The following TNXB variants were observed in gnomAD, a reference collection of about 807,000 sequenced individuals.
TNXB encodes tenascin-X.
TNXB carries 183 observed loss-of-function variants against 340.5 expected under a neutral mutation model. The observed-to-expected ratio is 0.54, with a 90% CI of 0.48 to 0.61. The LOEUF is 0.61. Among genes scored for constraint, TNXB ranks in the 20% least tolerant of loss-of-function variants. The pLI is 0.00. For missense variants in TNXB, 4,613 were observed against 5,446.4 expected (o/e 0.85, Z 4.82); for synonymous variants, 2,121 against 2,314.5 (o/e 0.92, Z 2.40).
chr6:32,081,746 T>G lies in TNXB; in HGVS notation c.3737-73A>C. On this transcript the variant is annotated intron_variant, in intron 9 of 43. Coordinates refer to ENST00000644971, the MANE Select transcript of TNXB (RefSeq NM_001365276.2). The surrounding 1 kb of genome is among the most constrained non-coding windows in gnomAD (Gnocchi z 5.1). ...TGGGGCTTGGGGTTTCGACGGGATGTCACACCTATGGGGGGTGGGGGGTCA... is the reference window on the plus strand; with the variant it reads ...TGGGGCTTGGGGTTTCGACGGGATGGCACACCTATGGGGGGTGGGGGGTCA... The G allele has an allele frequency of 6.1e-6, 4 of 652,484 alleles. No homozygotes were observed. The highest frequency in any genetic ancestry group is 7.3e-6 in the Non-Finnish European group (3 of 408,924). The allele number at this position is 652,484 out of a possible 1,614,324, so 40.4% of individuals were successfully genotyped here.
At position 32,068,362 on chromosome 6, in the gene TNXB, C is replaced by T. The variant is rs1778523371; in HGVS notation, c.6220+28G>A. 3 of 1,609,080 alleles carry T rather than the reference C, an allele frequency of 1.9e-6. No individual in the cohort carries two copies. The highest frequency in any genetic ancestry group is 2.5e-6 in the Non-Finnish European group (3 of 1,176,830). On this transcript the variant is annotated intron_variant, in intron 17 of 43. Coordinates refer to ENST00000644971, the MANE Select transcript of TNXB (RefSeq NM_001365276.2). This position sits in a 1 kb window ranked among gnomAD's most constrained non-coding sequence, Gnocchi z 5.3. ...AAGAGGGTGACCCTCCCATGGCTCC[C>T]ACCCTGGGGCTCCCATCATCCACTC...
rs1357185975 is a variant in TNXB, at chr6:32,096,476, C to T, written c.1377G>A (p.Glu459=). The change falls in exon 3 of 44, where the codon GAG becomes GAA. Residue 459 remains glutamate, a synonymous_variant. Coordinates refer to ENST00000644971, the MANE Select transcript of TNXB (RefSeq NM_001365276.2). ...CAGGACAGCTGCGCACACCGCAGTC[C>T]TCGCCGCTGTAGCCCGCATTGCAAA... ...VCVCNAGYSG[E]DCGVRSCPGD... 1.3e-5 allele frequency: 21 copies of T among 1,599,354 alleles called. No individual in the cohort carries two copies. Among genetic ancestry groups the T allele is most frequent in the African/African-American group, 2.7e-5 (2 of 74,606 alleles).
rs181699780 is a variant in TNXB, at chr6:32,053,499, C to T, written c.8680G>A (p.Glu2894Lys). The change falls in exon 25 of 44, where the codon GAG becomes AAG. Residue 2894 changes from glutamate (E) to lysine (K), a missense_variant. Physicochemically the swap from Glu to Lys is moderately conservative, Grantham distance 56. Coordinates refer to ENST00000644971, the MANE Select transcript of TNXB (RefSeq NM_001365276.2). ...AGGCCTGAGATGGTGACCCCGTCCT[C>T]GTGCCCCGGCACCCGCACCACCTTG... ...QPKVVRVPGH[E>K]DGVTISGLEP... 534 of 1,613,512 alleles carry T rather than the reference C, an allele frequency of 3.3e-4. 16 individuals are homozygous for T. The Admixed American group carries it at 7.4e-3, about 22-fold the overall frequency.
rs899945253 is a variant in TNXB at position 32,082,379 on chromosome 6, G to A, written c.3446-53C>T. On this transcript the variant is annotated intron_variant, in intron 8 of 43. Coordinates refer to ENST00000644971, the MANE Select transcript of TNXB (RefSeq NM_001365276.2). The surrounding 1 kb of genome is among the most constrained non-coding windows in gnomAD (Gnocchi z 5.0). ...GAGACTTAGGTCCAAGGAGAATGGG[G>A]AAGCCAAATCCCACATAGGAATGCT... 2.0e-6 allele frequency: 3 copies of A among 1,513,384 alleles called. No individual in the cohort carries two copies. Among genetic ancestry groups the A allele is most frequent in the Admixed American group, 1.9e-5 (1 of 53,178 alleles). 93.7% of individuals were successfully genotyped at this position (1,513,384 alleles called of 1,614,324 possible).
chr6:32,061,535 G>A lies in TNXB; in HGVS notation c.7354C>T (p.Pro2452Ser), dbSNP rs1356822752. Reference sequence around the variant, plus strand: ...TCGCCCCCAACACGCACCACCTGGGGCCGCCCGTCCCTGTCCTTGTACTGC... The same window carrying A: ...TCGCCCCCAACACGCACCACCTGGGACCGCCCGTCCCTGTCCTTGTACTGC... The part of the protein sequence containing the change: ...TVQYKDRDGR[P>S]QVVRVGGEES... Residue 2452 changes from proline (P) to serine (S), a missense_variant, in exon 21 of 44, where the codon CCC becomes TCC. Around this residue, in one of 7 missense-constraint regions of TNXB, gnomAD observed 4,327 missense variants for 4,859.4 expected, o/e 0.89. Transcript: ENST00000644971. The surrounding 1 kb of genome is among the most constrained non-coding windows in gnomAD (Gnocchi z 4.4). The A allele has an allele frequency of 5.0e-6, 8 of 1,613,496 alleles. No homozygotes were observed. The African/African-American group carries it at 1.1e-4, about 22-fold the overall frequency.
chr6:32,088,142 C>T (rs1457483580), intron 6 of TNXB, among the ~76,000 whole-genome samples: 2 of 152,116 alleles, frequency 1.3e-5, no homozygotes, highest in African/African-American at 2.4e-5. Flanking sequence ...GGAGGGAAAT[C>T]GGTCAGTGTC....
rs777574450 is a variant in TNXB at position 32,067,847 on chromosome 6, C to T, written c.6358G>A (p.Gly2120Ser). The T allele has an allele frequency of 1.8e-4, 285 of 1,612,944 alleles. No homozygotes were observed. The highest frequency in any genetic ancestry group is 2.2e-4 in the Non-Finnish European group (265 of 1,179,902). Residue 2120 changes from glycine to serine, a missense_variant, in exon 18 of 44, where the codon GGC (glycine) becomes AGC (serine). Physicochemically the swap from Gly to Ser is moderately conservative, Grantham distance 56. Around this residue, in one of 7 missense-constraint regions of TNXB, gnomAD observed 4,327 missense variants for 4,859.4 expected, o/e 0.89. Coordinates refer to ENST00000644971, the MANE Select transcript of TNXB (RefSeq NM_001365276.2). This position sits in a 1 kb window ranked among gnomAD's most constrained non-coding sequence, Gnocchi z 4.2. The stretch of plus-strand genomic sequence containing the variant: ...TGCACGGTGAAGGAGTCGAAGCGGC[C>T]CTGGGGGACGGTCCAGGAGAGGCTC... ...SLSLSWTVPQGRFDSFTVQYK... is the reference protein window; with the variant it reads ...SLSLSWTVPQSRFDSFTVQYK...
At chr6:32,091,236 G>A (rs1028386866) in intron 4 of TNXB, among the ~76,000 whole-genome samples, 5 of 151,342 alleles carry the variant, frequency 3.3e-5, no homozygotes, top group African/African-American at 7.3e-5. Flanking sequence ...TCAGCCTCCC[G>A]AGTAGCTGGG....
rs984168671 is a variant in TNXB at position 32,108,097 on chromosome 6, G to T, written c.-9+1084C>A. Among the ~76,000 whole-genome samples the T allele has an allele frequency of 6.6e-6, 1 of 152,126 alleles. No individual in the cohort carries two copies. On this transcript the variant is annotated intron_variant, in intron 1 of 43. Coordinates refer to ENST00000644971, the MANE Select transcript of TNXB (RefSeq NM_001365276.2). This position sits in a 1 kb window ranked among gnomAD's most constrained non-coding sequence, Gnocchi z 4.8. ...TTTCTGGTCCTGCACCTAGTGGCTA[G>T]GTCTGGAGTGAGCAAAGGAAGTTTG...
rs374699358 is a variant in TNXB, at chr6:32,050,264, G to A, written c.9173C>T (p.Pro3058Leu). The A allele has an allele frequency of 8.1e-6, 13 of 1,613,388 alleles. No individual in the cohort carries two copies. The African/African-American group carries it at 1.7e-4, about 22-fold the overall frequency. ...CAGCTCCCCCAGGCGAGGCTTGATG[G>A]GGGGCTCAGGGGTCATGGTAGGCAC... ...QAVPTMTPEPPIKPRLGELTV... is the reference protein window; with the variant it reads ...QAVPTMTPEPLIKPRLGELTV... Residue 3058 changes from proline to leucine, a missense_variant, in exon 27 of 44, where the codon CCC becomes CTC. Pro to Leu is a moderately conservative substitution (Grantham distance 98). This residue lies in a region of TNXB where 4,327 missense variants were observed against 4,859.4 expected (regional missense o/e 0.89). Transcript: ENST00000644971.
Position 32,042,170 on chromosome 6 carries a change from T to C in TNXB, c.12311A>G (p.Asn4104Ser). ...CTGTGTCAGGCTGTGCAGGGCCTCA[T>C]TGCCTGGGGGTGGGATACGTGCCCT... ...GNISGEFWLG[N>S]EALHSLTQAG... Residue 4104 changes from asparagine (N) to serine (S), a missense_variant, in exon 42 of 44, where the codon AAT becomes AGT. By Grantham distance (46) the Asn-to-Ser change is conservative (BLOSUM62 1). Around this residue, in one of 7 missense-constraint regions of TNXB, gnomAD observed 121 missense variants for 177.4 expected, o/e 0.68. Coordinates refer to ENST00000644971, the MANE Select transcript of TNXB (RefSeq NM_001365276.2). The C allele has an allele frequency of 1.4e-6, 1 of 697,580 alleles. No homozygotes were observed. Among genetic ancestry groups the C allele is most frequent in the East Asian group, 2.8e-5 (1 of 35,356 alleles). The allele number at this position is 697,580 out of a possible 1,614,324, so 43.2% of individuals were successfully genotyped here.
In TNXB at chr6:32,068,627, C is replaced by T. The variant is rs368401231; in HGVS notation, c.5983G>A (p.Val1995Met). 4.8e-5 allele frequency: 77 copies of T among 1,613,798 alleles called. No individual in the cohort carries two copies. The highest frequency in any genetic ancestry group is 2.0e-4 in the African/African-American group (15 of 74,930). Residue 1995 changes from valine (V) to methionine (M), a missense_variant, in exon 17 of 44, where the codon GTG becomes ATG. Physicochemically the swap from Val to Met is conservative, Grantham distance 21. Coordinates refer to ENST00000644971, the MANE Select transcript of TNXB (RefSeq NM_001365276.2). The surrounding 1 kb of genome is among the most constrained non-coding windows in gnomAD (Gnocchi z 5.3). The stretch of plus-strand genomic sequence containing the variant: ...AGGGAGTCAGGGGTGGCATCTGTCA[C>T]GGTCAGCTCCCCCAGGCGAGGCTTG... ...PIKPRLGELT[V>M]TDATPDSLSL...
chr6:32,047,746 C>A lies in TNXB; in HGVS notation c.10312G>T (p.Asp3438Tyr). 6.2e-7 allele frequency: 1 copy of A among 1,601,276 alleles called. No homozygotes were observed. Among genetic ancestry groups the A allele is most frequent in the South Asian group, 1.1e-5 (1 of 89,596 alleles). Residue 3438 changes from aspartate (D) to tyrosine (Y), a missense_variant, in exon 30 of 44, where the codon GAC (aspartate) becomes TAC (tyrosine). This residue lies in a region of TNXB where 4,327 missense variants were observed against 4,859.4 expected (regional missense o/e 0.89). Transcript: ENST00000644971. The surrounding 1 kb of genome is among the most constrained non-coding windows in gnomAD (Gnocchi z 6.2). ...GRKRLGPISA[D>Y]STTAPLEKEL... ...GACTGGGACTCACCTGTGGTGCTGT[C>A]AGCAGAGATGGGGCCCAGTCGTTTC...
Position 32,069,493 on chromosome 6 carries a change from G to C in TNXB, c.5587+60C>G. The C allele has an allele frequency of 6.7e-7, 1 of 1,488,296 alleles. No homozygotes were observed. Among genetic ancestry groups the C allele is most frequent in the Non-Finnish European group, 9.0e-7 (1 of 1,113,176 alleles). The allele number at this position is 1,488,296 out of a possible 1,614,324, so 92.2% of individuals were successfully genotyped here. A position where few individuals can be genotyped will look rare whatever the true frequency, so the allele number is the denominator to read the frequency against. On this transcript the variant is annotated intron_variant, in intron 15 of 43. Transcript: ENST00000644971. The surrounding 1 kb of genome is among the most constrained non-coding windows in gnomAD (Gnocchi z 6.2). ...GGAAGCTCAGAGATCTTATGGCTCA[G>C]TCAGACCAGGAGAGCCAGGCGGGAA...
At chr6:32,086,158 A>T in intron 6 of TNXB, 40 bp from the exon 7 acceptor site, 2 of 1,449,794 alleles carry the variant, frequency 1.4e-6, no homozygotes, top group African/African-American at 2.9e-5. Flanking sequence ...AGAGTCCAGT[A>T]TGAGAACTAG....
In TNXB at chr6:32,064,815, A is replaced by G; in HGVS notation, c.6841+6T>C. 1.2e-6 allele frequency: 2 copies of G among 1,609,104 alleles called. No homozygotes were observed. The highest frequency in any genetic ancestry group is 1.7e-6 in the Non-Finnish European group (2 of 1,178,650). ...GGCAGGGCCCAGTGCCCTACTGCAC[A>G]CTCACCAGTTAAACCAACAGCAGAC... On this transcript the variant is annotated splice_donor_region_variant and intron_variant, in intron 19 of 43. Coordinates refer to ENST00000644971, the MANE Select transcript of TNXB (RefSeq NM_001365276.2). The surrounding 1 kb of genome is among the most constrained non-coding windows in gnomAD (Gnocchi z 5.3).
At position 32,081,416 on chromosome 6, in the gene TNXB, G is replaced by A; in HGVS notation, c.3994C>T (p.Leu1332Phe). Residue 1332 changes from leucine (L) to phenylalanine (F), a missense_variant, in exon 10 of 44, where the codon CTT (leucine) becomes TTT (phenylalanine). This residue lies in a region of TNXB where 4,327 missense variants were observed against 4,859.4 expected (regional missense o/e 0.89). Coordinates refer to ENST00000644971, the MANE Select transcript of TNXB (RefSeq NM_001365276.2). The surrounding 1 kb of genome is among the most constrained non-coding windows in gnomAD (Gnocchi z 5.1). ...DRKYKMNLYG[L>F]RGRQRVGPES... ...GGCCCCACACGCTGCCTGCCACGAA[G>A]CCCGTAGAGGTTCATCTTATACTTC... is the stretch of plus-strand genomic sequence containing the variant. The A allele has an allele frequency of 6.4e-7, 1 of 1,553,974 alleles. No individual in the cohort carries two copies. The highest frequency in any genetic ancestry group is 8.7e-7 in the Non-Finnish European group (1 of 1,148,540).
chr6:32,056,232 C>T (rs765284558), intron 23 of TNXB, 58 bp from the exon 24 acceptor site: 1 of 1,559,678 alleles, frequency 6.4e-7, no homozygotes, highest in Non-Finnish European at 8.7e-7. Context: ...CTCAGGTCTT[C>T]AAGGGAAGGA....
chr6:32,100,641 A>T (rs1400119879), intron 1 of TNXB, among the ~76,000 whole-genome samples: 1 of 151,642 alleles, frequency 6.6e-6, no homozygotes, highest in African/African-American at 2.4e-5. Context: ...TGGGAGGATT[A>T]CTTGAGTCTG....
Sources: allele counts gnomAD v4.1 joint callset (sites outside exome capture counted in the v4.1 genomes callset), GRCh38; gene constraint gnomAD v4.1.1; regional missense constraint gnomAD v4.1.1; non-coding constraint Gnocchi (gnomAD v3.1); transcripts MANE v1.5; gene names NCBI Gene and HGNC (gene_info 2026-07-23, HGNC 2026-07-21).